Variants in SLC25A11 observed in about 807,000 individuals in gnomAD.
The protein encoded by SLC25A11 is solute carrier family 25 member 11.
In SLC25A11, 11 loss-of-function variants were observed where a neutral mutation model predicts 32.7. That is an observed-to-expected ratio of 0.34 (90% CI 0.21 to 0.56). The LOEUF (loss-of-function observed/expected upper bound fraction) is 0.56, where lower values mean the gene tolerates loss of function less well. SLC25A11 is among the 20% of genes least tolerant of loss of function. The probability of loss-of-function intolerance (pLI) is 0.90; values close to 1 mark genes in which losing one functional copy is unlikely to be tolerated. For missense variants in SLC25A11, 295 were observed against 426.3 expected, an observed-to-expected ratio of 0.69 and a Z score of 2.71; for synonymous variants, 163 against 168.3, an observed-to-expected ratio of 0.97 and a Z score of 0.24.
Position 4,939,977 on chromosome 17 carries a change from C to A in SLC25A11, c.-67G>T. ...GGCCCCGCTCGCGCCCAAGGTGACA[C>A]CGCGCGCGCAACAGAGCGAGGGCGC... On this transcript the variant is annotated 5_prime_UTR_variant, in exon 1 of 8. Transcript: ENST00000225665. This position sits in a 1 kb window ranked among gnomAD's most constrained non-coding sequence, Gnocchi z 4.1. 8.0e-7 allele frequency: 1 copy of A among 1,242,360 alleles called. No homozygotes were observed. Among genetic ancestry groups the A allele is most frequent in the Non-Finnish European group, 1.1e-6 (1 of 917,732 alleles). 77.0% of individuals were successfully genotyped at this position (1,242,360 alleles called of 1,614,324 possible).
chr17:4,937,917 C>G (rs766521343), intron 7 of SLC25A11, 21 bp from the exon 8 acceptor site: 18 of 1,611,818 alleles, frequency 1.1e-5, no homozygotes, highest in African/African-American at 4.0e-5. Flanking sequence ...ACAGGCAGGG[C>G]GCTGGGGCTA....
Position 4,938,142 on chromosome 17 carries a change from C to T in SLC25A11, c.737+12G>A, listed in dbSNP as rs1403885332. 1.2e-6 allele frequency: 2 copies of T among 1,613,988 alleles called. No homozygotes were observed. Among genetic ancestry groups the T allele is most frequent in the Non-Finnish European group, 1.7e-6 (2 of 1,179,964 alleles). On this transcript the variant is annotated intron_variant, in intron 6 of 7. Coordinates refer to ENST00000225665, the MANE Select transcript of SLC25A11 (RefSeq NM_003562.5). The surrounding 1 kb of genome is among the most constrained non-coding windows in gnomAD (Gnocchi z 7.6). ...CCTCCCACCCACCTCCAGGCCCAGG[C>T]TGCACACTCACCGGGTCTTGGCAAT... is the stretch of plus-strand genomic sequence containing the variant.
Position 4,937,142 on chromosome 17 carries a change from T to G in SLC25A11, c.*599A>C, listed in dbSNP as rs1000580299. Reference sequence around the variant, plus strand: ...ACCGGGCCTGGGATTTGAGTTTTTCTGGCCCTGTCAGCTGCTGTGGCATGA... The same window carrying G: ...ACCGGGCCTGGGATTTGAGTTTTTCGGGCCCTGTCAGCTGCTGTGGCATGA... On this transcript the variant is annotated 3_prime_UTR_variant, in exon 8 of 8. Coordinates refer to ENST00000225665, the MANE Select transcript of SLC25A11 (RefSeq NM_003562.5). 1.3e-5 allele frequency: 2 copies of G among 152,240 alleles called. No homozygotes were observed. The highest frequency in any genetic ancestry group is 6.5e-5 in the Admixed American group (1 of 15,288). The allele number at this position is 152,240 out of a possible 1,614,324, so 9.4% of individuals were successfully genotyped here.
rs773346094 is a variant in SLC25A11 at position 4,938,695 on chromosome 17, G to A, written c.455+74C>T. The A allele has an allele frequency of 7.9e-4, 1,253 of 1,584,548 alleles. 3 individuals carry two copies. The highest frequency in any genetic ancestry group is 9.4e-4 in the Non-Finnish European group (1,088 of 1,155,532). ...CAGGTAAACACTCTGCTCCAGATCC[G>A]GGATAAAAAACTGGTCCTTTCATTC... On this transcript the variant is annotated intron_variant, in intron 3 of 7. Coordinates refer to ENST00000225665, the MANE Select transcript of SLC25A11 (RefSeq NM_003562.5). The surrounding 1 kb of genome is among the most constrained non-coding windows in gnomAD (Gnocchi z 7.6).
At position 4,938,923 on chromosome 17, in the gene SLC25A11, T is replaced by C; in HGVS notation, c.301A>G (p.Ile101Val). 1 of 1,614,080 alleles carries C rather than the reference T, an allele frequency of 6.2e-7. No homozygotes were observed. The highest frequency in any genetic ancestry group is 8.5e-7 in the Non-Finnish European group (1 of 1,180,000). Residue 101 changes from isoleucine to valine, a missense_variant, in exon 3 of 8, where the codon ATC becomes GTC. Ile to Val is a conservative substitution (Grantham distance 29). Coordinates refer to ENST00000225665, the MANE Select transcript of SLC25A11 (RefSeq NM_003562.5). The surrounding 1 kb of genome is among the most constrained non-coding windows in gnomAD (Gnocchi z 7.6). Reference protein sequence around the residue: ...QATYTTTRLGIYTVLFERLTG... With the variant: ...QATYTTTRLGVYTVLFERLTG... ...AGGCGCTCAAACAGCACGGTATAGATGCCAAGGCGGGTAGTGGTGTAGGTG... is the reference window on the plus strand; with the variant it reads ...AGGCGCTCAAACAGCACGGTATAGACGCCAAGGCGGGTAGTGGTGTAGGTG...
Position 4,939,954 on chromosome 17 carries a change from C to T in SLC25A11, c.-44G>A, listed in dbSNP as rs777321569. ...GGCTCCGGGTCCCGTGCGCGCGCGG[C>T]CCCGCTCGCGCCCAAGGTGACACCG... is the stretch of plus-strand genomic sequence containing the variant. On this transcript the variant is annotated 5_prime_UTR_variant, in exon 1 of 8. Transcript: ENST00000225665. This position sits in a 1 kb window ranked among gnomAD's most constrained non-coding sequence, Gnocchi z 4.1. 1.8e-5 allele frequency: 27 copies of T among 1,499,180 alleles called. No homozygotes were observed. In the South Asian group the frequency reaches 2.5e-4, roughly 14 times the overall value. 92.9% of individuals were successfully genotyped at this position (1,499,180 alleles called of 1,614,324 possible). A position where few individuals can be genotyped will look rare whatever the true frequency, so the allele number is the denominator to read the frequency against.
In SLC25A11 at chr17:4,939,037, C is replaced by T; in HGVS notation, c.248+23G>A. On this transcript the variant is annotated intron_variant, in intron 2 of 7. Transcript: ENST00000225665. This position sits in a 1 kb window ranked among gnomAD's most constrained non-coding sequence, Gnocchi z 4.1. Reference sequence around the variant, plus strand: ...CTAGAGCTGCCAACCCACAGTCTACCCTCCATCCTGAGGCCCCAATACCCA... The same window carrying T: ...CTAGAGCTGCCAACCCACAGTCTACTCTCCATCCTGAGGCCCCAATACCCA... 6.2e-7 allele frequency: 1 copy of T among 1,614,198 alleles called. No homozygotes were observed. Among genetic ancestry groups the T allele is most frequent in the East Asian group, 2.2e-5 (1 of 44,882 alleles).
In SLC25A11 at chr17:4,939,012, C is replaced by A. The variant is rs754184656; in HGVS notation, c.249-37G>T. The A allele has an allele frequency of 5.6e-6, 9 of 1,614,196 alleles. No individual in the cohort carries two copies. In the South Asian group the frequency reaches 8.8e-5, roughly 16 times the overall value. On this transcript the variant is annotated intron_variant, in intron 2 of 7. Transcript: ENST00000225665. The surrounding 1 kb of genome is among the most constrained non-coding windows in gnomAD (Gnocchi z 4.1). ...AGGGGTCAGCATATCAGGCCAAGGT[C>A]TAGAGCTGCCAACCCACAGTCTACC...
In SLC25A11 at chr17:4,937,660, A is replaced by C. The variant is rs956424153; in HGVS notation, c.*81T>G. The C allele has an allele frequency of 2.1e-6, 3 of 1,462,096 alleles. No homozygotes were observed. Among genetic ancestry groups the C allele is most frequent in the Non-Finnish European group, 2.8e-6 (3 of 1,090,728 alleles). The allele number at this position is 1,462,096 out of a possible 1,614,324, so 90.6% of individuals were successfully genotyped here. A position where few individuals can be genotyped will look rare whatever the true frequency, so the allele number is the denominator to read the frequency against. On this transcript the variant is annotated 3_prime_UTR_variant, in exon 8 of 8. Transcript: ENST00000225665. ...CACACTGTGGAAGGGAAATAAATAGAGGGGTCCAGGGCAGCAGAGCCCAGG... is the reference window on the plus strand; with the variant it reads ...CACACTGTGGAAGGGAAATAAATAGCGGGGTCCAGGGCAGCAGAGCCCAGG...
In SLC25A11 at chr17:4,939,564, C is replaced by T; in HGVS notation, c.95+252G>A. The T allele has an allele frequency of 1.7e-6, 1 of 579,800 alleles. No individual in the cohort carries two copies. The highest frequency in any genetic ancestry group is 3.0e-6 in the Non-Finnish European group (1 of 329,548). 35.9% of individuals were successfully genotyped at this position (579,800 alleles called of 1,614,324 possible). ...CATTTAATGGCCTGGAACCCCCTGC[C>T]GCCCGGCCGAGCTTAGCAATGCGCT... On this transcript the variant is annotated intron_variant, in intron 1 of 7. Transcript: ENST00000225665. This position sits in a 1 kb window ranked among gnomAD's most constrained non-coding sequence, Gnocchi z 4.1.
At position 4,939,310 on chromosome 17, in the gene SLC25A11, C is replaced by T; in HGVS notation, c.96-98G>A. The stretch of plus-strand genomic sequence containing the variant: ...AAGAGGTTACAAAGGTCAGGGCCTG[C>T]CATGCGATTCAAGAATCAGGATGCT... On this transcript the variant is annotated intron_variant, in intron 1 of 7. Coordinates refer to ENST00000225665, the MANE Select transcript of SLC25A11 (RefSeq NM_003562.5). This position sits in a 1 kb window ranked among gnomAD's most constrained non-coding sequence, Gnocchi z 4.1. The T allele has an allele frequency of 7.6e-7, 1 of 1,312,946 alleles. No individual in the cohort carries two copies. Among genetic ancestry groups the T allele is most frequent in the African/African-American group, 1.5e-5 (1 of 68,102 alleles). The allele number at this position is 1,312,946 out of a possible 1,614,324, so 81.3% of individuals were successfully genotyped here.
In SLC25A11 at chr17:4,937,819, C is replaced by G. The variant is rs775113174; in HGVS notation, c.867G>C (p.Leu289=). 1.2e-6 allele frequency: 2 copies of G among 1,614,194 alleles called. No homozygotes were observed. The change falls in exon 8 of 8, where the codon CTG becomes CTC. Residue 289 remains leucine, a synonymous_variant. Transcript: ENST00000225665. ...TGAAGGTGAGGACGGTGTGGGGGCC[C>G]AGGCGGGCATAGTACGGCGTGAAGC... The part of the protein sequence containing the change: ...WKGFTPYYAR[L]GPHTVLTFIF...
At position 4,939,640 on chromosome 17, in the gene SLC25A11, C is replaced by T. The variant is rs2151113039; in HGVS notation, c.95+176G>A. 1 of 667,428 alleles carries T rather than the reference C, an allele frequency of 1.5e-6. No individual in the cohort carries two copies. Among genetic ancestry groups the T allele is most frequent in the South Asian group, 1.7e-5 (1 of 58,120 alleles). The allele number at this position is 667,428 out of a possible 1,614,324, so 41.3% of individuals were successfully genotyped here. A position where few individuals can be genotyped will look rare whatever the true frequency, so the allele number is the denominator to read the frequency against. ...GTTGTGCAACGACCCTGCATGCAGT[C>T]CATAAGGGTCCTGCAATGGGGCCCT... is the stretch of plus-strand genomic sequence containing the variant. On this transcript the variant is annotated intron_variant, in intron 1 of 7. Transcript: ENST00000225665. The surrounding 1 kb of genome is among the most constrained non-coding windows in gnomAD (Gnocchi z 4.1).
In SLC25A11 at chr17:4,939,212, C is replaced by A; in HGVS notation, c.96G>T (p.Gly32=). 6.2e-7 allele frequency: 1 copy of A among 1,603,210 alleles called. No homozygotes were observed. Among genetic ancestry groups the A allele is most frequent in the East Asian group, 2.2e-5 (1 of 44,584 alleles). ...GCTGGACAAAAACTGTAGCTCCCAT[C>A]CTGGGGGAAGACAGAGGTGGAGTGA... is the stretch of plus-strand genomic sequence containing the variant. ...SVKFLFGGLA[G]MGATVFVQPL... is the part of the protein sequence containing the mutation. The change falls in exon 2 of 8, where the codon GGG becomes GGT. Residue 32 remains glycine (G), a splice_region_variant and synonymous_variant. Transcript: ENST00000225665. This position sits in a 1 kb window ranked among gnomAD's most constrained non-coding sequence, Gnocchi z 4.1.
chr17:4,939,754 G>C lies in SLC25A11; in HGVS notation c.95+62C>G. ...ACTGCAACAGACCCAGAGATGAACC[G>C]GGCCCGGTTCCTTTTGCCCTTCCCT... is the stretch of plus-strand genomic sequence containing the variant. On this transcript the variant is annotated intron_variant, in intron 1 of 7. Coordinates refer to ENST00000225665, the MANE Select transcript of SLC25A11 (RefSeq NM_003562.5). This position sits in a 1 kb window ranked among gnomAD's most constrained non-coding sequence, Gnocchi z 4.1. The C allele has an allele frequency of 2.3e-6, 3 of 1,331,182 alleles. No individual in the cohort carries two copies. Among genetic ancestry groups the C allele is most frequent in the Non-Finnish European group, 3.2e-6 (3 of 935,674 alleles). The allele number at this position is 1,331,182 out of a possible 1,614,324, so 82.5% of individuals were successfully genotyped here.
chr17:4,939,952 G>C lies in SLC25A11; in HGVS notation c.-42C>G, dbSNP rs1367818545. On this transcript the variant is annotated 5_prime_UTR_variant, in exon 1 of 8. Transcript: ENST00000225665. This position sits in a 1 kb window ranked among gnomAD's most constrained non-coding sequence, Gnocchi z 4.1. Reference sequence around the variant, plus strand: ...TCGGCTCCGGGTCCCGTGCGCGCGCGGCCCCGCTCGCGCCCAAGGTGACAC... The same window carrying C: ...TCGGCTCCGGGTCCCGTGCGCGCGCCGCCCCGCTCGCGCCCAAGGTGACAC... 2.6e-6 allele frequency: 4 copies of C among 1,514,858 alleles called. No homozygotes were observed. The highest frequency in any genetic ancestry group is 3.6e-6 in the Non-Finnish European group (4 of 1,117,726). The allele number at this position is 1,514,858 out of a possible 1,614,324, so 93.8% of individuals were successfully genotyped here.
rs1970543174 is a variant in SLC25A11 at position 4,939,158 on chromosome 17, C to T, written c.150G>A (p.Gln50=). 5 of 1,613,732 alleles carry T rather than the reference C, an allele frequency of 3.1e-6. No individual in the cohort carries two copies. In the South Asian group the frequency reaches 5.5e-5, roughly 18 times the overall value. ...QPLDLVKNRM[Q]LSGEGAKTRE... ...GAGTCTTGGCCCCTTCCCCGCTCAA[C>T]TGCATCCGGTTCTTCACCAGGTCCA... The change falls in exon 2 of 8, where the codon CAG becomes CAA. Residue 50 remains glutamine (Q), a synonymous_variant. Coordinates refer to ENST00000225665, the MANE Select transcript of SLC25A11 (RefSeq NM_003562.5). This position sits in a 1 kb window ranked among gnomAD's most constrained non-coding sequence, Gnocchi z 4.1.
rs374635803 is a variant in SLC25A11 at position 4,938,770 on chromosome 17, G to A, written c.454C>T (p.Arg152Trp). Reference sequence around the variant, plus strand: ...GTTAGGTTCAGACTTGGAACTCACCGGCCATCGGCAGTCATGCGGATAAGA... The same window carrying A: ...GTTAGGTTCAGACTTGGAACTCACCAGCCATCGGCAGTCATGCGGATAAGA... ...VALIRMTADG[R>W]LPADQRRGYK... The change falls in exon 3 of 8, where the codon CGG becomes TGG. Residue 152 changes from arginine (R) to tryptophan (W), a missense_variant and splice_region_variant. Around this residue, in one of 3 missense-constraint regions of SLC25A11, gnomAD observed 49 missense variants for 106.9 expected, o/e 0.46. Coordinates refer to ENST00000225665, the MANE Select transcript of SLC25A11 (RefSeq NM_003562.5). This position sits in a 1 kb window ranked among gnomAD's most constrained non-coding sequence, Gnocchi z 7.6. The A allele has an allele frequency of 2.2e-5, 36 of 1,607,962 alleles. No homozygotes were observed. The highest frequency in any genetic ancestry group is 4.0e-5 in the African/African-American group (3 of 74,818).
chr17:4,939,852 G>C lies in SLC25A11; in HGVS notation c.59C>G (p.Pro20Arg). The C allele has an allele frequency of 6.2e-7, 1 of 1,612,846 alleles. No individual in the cohort carries two copies. Among genetic ancestry groups the C allele is most frequent in the Non-Finnish European group, 8.5e-7 (1 of 1,179,770 alleles). ...CCCAAACAGGAACTTGACGGACTTA[G>C]GGGAGGTACGGGGCTTCCCGTCTAT... ...GGIDGKPRTS[P>R]KSVKFLFGGL... The change falls in exon 1 of 8, where the codon CCT becomes CGT. Residue 20 changes from proline to arginine, a missense_variant. By Grantham distance (103) the Pro-to-Arg change is moderately radical (BLOSUM62 -2). Transcript: ENST00000225665. This position sits in a 1 kb window ranked among gnomAD's most constrained non-coding sequence, Gnocchi z 4.1.
Sources: gnomAD v4.1 joint callset for allele counts on GRCh38, gnomAD v4.1.1 for gene constraint, gnomAD v4.1.1 regional missense constraint, Gnocchi (gnomAD v3.1) non-coding constraint, MANE v1.5 for transcripts, NCBI Gene and HGNC (gene_info 2026-07-23, HGNC 2026-07-21) for gene names.